Variants in ETV6 observed in about 807,000 individuals in gnomAD.
ETV6 encodes the protein ETS variant transcription factor 6.
ETV6 carries 16 observed loss-of-function variants against 51.1 expected under a neutral mutation model. The ratio of observed to expected loss-of-function variants is 0.31; its 90% CI spans 0.21 to 0.48. ETV6 has a LOEUF of 0.48. Among genes scored for constraint, ETV6 ranks in the 20% least tolerant of loss-of-function variants. The probability of loss-of-function intolerance (pLI) is 0.99; values close to 1 mark genes in which losing one functional copy is unlikely to be tolerated. For synonymous variants in ETV6, 240 were observed against 224.1 expected (o/e 1.07, Z -0.64); for missense variants, 458 against 594.8 (o/e 0.77, Z 2.39).
chr12:11,712,945 C>A (rs576273870), intron 1 of ETV6, among the ~76,000 whole-genome samples: 1 of 152,184 alleles, frequency 6.6e-6, no homozygotes, highest in Non-Finnish European at 1.5e-5. Context: ...GTTTCTGCCT[C>A]GTTTACTTTC....
At chr12:11,709,248 C>A (rs997660021) in intron 1 of ETV6, among the ~76,000 whole-genome samples, 4 of 152,202 alleles carry the variant, frequency 2.6e-5, no homozygotes, top group African/African-American at 9.7e-5. Context: ...CATTCTACCC[C>A]TGCCCTCTTA....
At chr12:11,794,058 G>C (rs879307861) in intron 2 of ETV6, among the ~76,000 whole-genome samples, 5 of 152,166 alleles carry the variant, frequency 3.3e-5, no homozygotes, top group Non-Finnish European at 7.3e-5. Context: ...AGCTGGATGG[G>C]TATAAATATA....
At chr12:11,690,054 A>G (rs888888981) in intron 1 of ETV6, among the ~76,000 whole-genome samples, 3 of 152,028 alleles carry the variant, frequency 2.0e-5, no homozygotes, top group African/African-American at 7.2e-5. Context: ...ATGCCAGCCC[A>G]TGAGTGCTTT....
intron 5 of ETV6, among the ~76,000 whole-genome samples, chr12:11,881,282 G>T (rs540987418): frequency 1.3e-5 from 2 of 152,312 alleles, no homozygotes; most frequent in Admixed American, 6.5e-5. Flanking sequence ...ATGTGATTTT[G>T]TCAGATGTTT....
intron 2 of ETV6, among the ~76,000 whole-genome samples, chr12:11,802,224 G>A (rs1008811612): frequency 3.3e-5 from 5 of 152,158 alleles, no homozygotes; most frequent in African/African-American, 4.8e-5. Context: ...AAGTCCAAGC[G>A]TACAGAAGCC....
intron 2 of ETV6, among the ~76,000 whole-genome samples, chr12:11,816,936 T>C (rs947304828): frequency 6.6e-6 from 1 of 152,156 alleles, no homozygotes; most frequent in Non-Finnish European, 1.5e-5. Context: ...ATGTTCACAG[T>C]CCCAAGCCAG....
At chr12:11,682,963 T>C (rs1314980357) in intron 1 of ETV6, among the ~76,000 whole-genome samples, 1 of 152,258 alleles carries the variant, frequency 6.6e-6, no homozygotes, top group Non-Finnish European at 1.5e-5. Context: ...ACCATGCTTA[T>C]ACAGCATATT....
chr12:11,768,729 C>T (rs573449346), intron 2 of ETV6, among the ~76,000 whole-genome samples: 58 of 152,320 alleles, frequency 3.8e-4, no homozygotes, highest in African/African-American at 1.3e-3. Context: ...TCACCCTTGC[C>T]CTTGCCTCTG....
chr12:11,809,389 A>G (rs961705946), intron 2 of ETV6, among the ~76,000 whole-genome samples: 2 of 152,210 alleles, frequency 1.3e-5, no homozygotes, highest in African/African-American at 4.8e-5. Context: ...GAAGTTCAAG[A>G]TCTATTTAGC....
intron 2 of ETV6, among the ~76,000 whole-genome samples, chr12:11,802,597 G>T (rs1945766392): frequency 6.6e-6 from 1 of 152,206 alleles, no homozygotes; most frequent in Non-Finnish European, 1.5e-5. Flanking sequence ...GGGTCACTTA[G>T]CACCAAGTGT....
At chr12:11,767,278 G>A (rs1945176444) in intron 2 of ETV6, among the ~76,000 whole-genome samples, 1 of 152,182 alleles carries the variant, frequency 6.6e-6, no homozygotes, top group Admixed American at 6.5e-5. Context: ...ATTGTTGTGA[G>A]GAAATTAGAT....
chr12:11,650,462 C>A (rs1028637444), intron 1 of ETV6, among the ~76,000 whole-genome samples: 88 of 128,356 alleles, frequency 6.9e-4, no homozygotes, highest in African/African-American at 2.6e-3. Context: ...CCGTAAAACA[C>A]CCCCGTAATT....
chr12:11,740,580 G>GT (rs57828567), intron 1 of ETV6, among the ~76,000 whole-genome samples: 137,395 of 152,206 alleles, frequency 0.9, 63,248 homozygotes, highest in Non-Finnish European at 0.99. Flanking sequence ...TTCTATCACT[G>GT]TTTAGAATTG....
intron 1 of ETV6, among the ~76,000 whole-genome samples, chr12:11,738,672 C>T (rs1247321236): frequency 8.5e-5 from 13 of 152,062 alleles, no homozygotes. Context: ...ATGACGACAC[C>T]CCAGGCACAG....
At chr12:11,724,228 G>C (rs992780168) in intron 1 of ETV6, among the ~76,000 whole-genome samples, 1 of 152,178 alleles carries the variant, frequency 6.6e-6, no homozygotes, top group Non-Finnish European at 1.5e-5. Context: ...GGCTACTTTT[G>C]CACCATTGAT....
chr12:11,736,716 G>A (rs572914487), intron 1 of ETV6, among the ~76,000 whole-genome samples: 13 of 152,284 alleles, frequency 8.5e-5, no homozygotes, highest in South Asian at 2.1e-4. Context: ...GTGATAGGGC[G>A]GTGAGCGCAT....
At chr12:11,733,657 G>T (rs10491988) in intron 1 of ETV6, among the ~76,000 whole-genome samples, 10,268 of 152,040 alleles carry the variant, frequency 0.068, 1,123 homozygotes, top group African/African-American at 0.23. Context: ...GAATATTTAT[G>T]GAACTAAGTG....
At chr12:11,703,263 A>T (rs1297109562) in intron 1 of ETV6, among the ~76,000 whole-genome samples, 2 of 150,620 alleles carry the variant, frequency 1.3e-5, no homozygotes, top group Non-Finnish European at 3.0e-5. Context: ...TACTAAAAAT[A>T]ATGAGTTTCA....
At chr12:11,694,494 A>T (rs1488642160) in intron 1 of ETV6, among the ~76,000 whole-genome samples, 1 of 152,180 alleles carries the variant, frequency 6.6e-6, no homozygotes, top group African/African-American at 2.4e-5. Context: ...AATGCTCAAT[A>T]TATTTTTCAT....
Sources: allele counts gnomAD v4.1 joint callset (sites outside exome capture counted in the v4.1 genomes callset), GRCh38; gene constraint gnomAD v4.1.1; transcripts MANE v1.5; gene names NCBI Gene and HGNC (gene_info 2026-07-23, HGNC 2026-07-21).